Variants in PTPRM observed in about 807,000 individuals in gnomAD.
PTPRM encodes the protein protein tyrosine phosphatase receptor type M, also known as receptor-type tyrosine-protein phosphatase mu.
A neutral mutation model predicts 186.7 loss-of-function variants in PTPRM; 47 were observed. The observed-to-expected ratio is 0.25, with a 90% confidence interval of 0.20 to 0.32. The LOEUF (loss-of-function observed/expected upper bound fraction) is 0.32, where lower values mean the gene tolerates loss of function less well. Among genes scored for constraint, PTPRM ranks in the 10% least tolerant of loss-of-function variants. The pLI is 1.00. For synonymous variants in PTPRM, 668 were observed against 674.9 expected (o/e 0.99, Z 0.16); for missense variants, 1,494 against 1,865.0 (o/e 0.80, Z 3.66).
At chr18:7,894,223 A>C (rs2049227584) in intron 3 of PTPRM, among the ~76,000 whole-genome samples, 1 of 152,100 alleles carries the variant, frequency 6.6e-6, no homozygotes, top group African/African-American at 2.4e-5. Flanking sequence ...CTTTATAAGG[A>C]GTTCTGTACT....
intron 7 of PTPRM, among the ~76,000 whole-genome samples, chr18:8,013,843 A>G (rs952787124): frequency 6.6e-6 from 1 of 152,258 alleles, no homozygotes; most frequent in Admixed American, 6.5e-5. Flanking sequence ...TAGGAGTTAT[A>G]AAACTCCACT....
intron 1 of PTPRM, among the ~76,000 whole-genome samples, chr18:7,657,428 C>T (rs1337214725): frequency 2.6e-5 from 4 of 152,228 alleles, no homozygotes; most frequent in Non-Finnish European, 4.4e-5. Context: ...AGACACACAC[C>T]TTGCCCGAGC....
chr18:7,583,026 C>T (rs2036886270), intron 1 of PTPRM, among the ~76,000 whole-genome samples: 1 of 152,194 alleles, frequency 6.6e-6, no homozygotes, highest in Non-Finnish European at 1.5e-5. Flanking sequence ...GTGTAAAACA[C>T]AGTGCCCAGT....
At chr18:8,138,221 C>G (rs1600775352) in intron 13 of PTPRM, among the ~76,000 whole-genome samples, 2 of 137,778 alleles carry the variant, frequency 1.5e-5, no homozygotes. Context: ...TTTTTTCCCT[C>G]CTCTTCCCCT....
chr18:7,851,070 G>A (rs1032305364), intron 2 of PTPRM, among the ~76,000 whole-genome samples: 2 of 152,176 alleles, frequency 1.3e-5, no homozygotes, highest in South Asian at 2.1e-4. Context: ...GAAAATCTAT[G>A]TTAAAACCTA....
At chr18:7,757,370 G>C (rs1044681299) in intron 1 of PTPRM, among the ~76,000 whole-genome samples, 1 of 152,224 alleles carries the variant, frequency 6.6e-6, no homozygotes, top group African/African-American at 2.4e-5. Flanking sequence ...TGACTGGATT[G>C]CTTTTGATGA....
chr18:8,299,868 G>A (rs2095137523), intron 20 of PTPRM, among the ~76,000 whole-genome samples: 1 of 152,180 alleles, frequency 6.6e-6, no homozygotes, highest in Admixed American at 6.5e-5. Flanking sequence ...ACAAACAGTA[G>A]TTTTCTGACT....
At chr18:7,732,802 G>A (rs2040689486) in intron 1 of PTPRM, among the ~76,000 whole-genome samples, 1 of 152,108 alleles carries the variant, frequency 6.6e-6, no homozygotes, top group Non-Finnish European at 1.5e-5. Flanking sequence ...ACTGTGCCTG[G>A]CCTCACAATA....
rs145904334 is a variant in PTPRM at position 8,317,110 on chromosome 18, G to A, written c.2920-2068G>A. Among the ~76,000 whole-genome samples the A allele has an allele frequency of 3.6e-4, 55 of 152,252 alleles. 1 individual carries two copies. Among genetic ancestry groups the A allele is most frequent in the Admixed American group, 2.2e-3 (34 of 15,282 alleles). On this transcript the variant is annotated intron_variant, in intron 21 of 32. Transcript: ENST00000580170. ...TCGTTAGAGGTATCTGAGTAAAGCC[G>A]TGATCTGGCTGCTGGGAGGGAAGTG...
At chr18:8,066,140 G>GA (rs747339391) in intron 7 of PTPRM, among the ~76,000 whole-genome samples, 22 of 151,702 alleles carry the variant, frequency 1.5e-4, no homozygotes, top group African/African-American at 5.1e-4. Flanking sequence ...CAAAATGGCA[G>GA]AAAAAAAAGT....
intron 3 of PTPRM, among the ~76,000 whole-genome samples, chr18:7,897,927 G>T (rs1296545801): frequency 6.6e-6 from 1 of 152,188 alleles, no homozygotes; most frequent in Non-Finnish European, 1.5e-5. Context: ...GGAAAAACAG[G>T]TGAAGACATT....
intron 1 of PTPRM, among the ~76,000 whole-genome samples, chr18:7,600,988 A>G (rs926422238): frequency 4.6e-5 from 7 of 152,118 alleles, no homozygotes; most frequent in African/African-American, 1.2e-4. Context: ...GAAGACAACA[A>G]TTCTCCAAAG....
intron 29 of PTPRM, among the ~76,000 whole-genome samples, chr18:8,383,669 A>T (rs768998754): frequency 6.6e-6 from 1 of 152,252 alleles, no homozygotes; most frequent in Non-Finnish European, 1.5e-5. Flanking sequence ...CAGGCAGAAC[A>T]GCAAAGCATT....
chr18:7,829,162 A>G (rs1026637086), intron 2 of PTPRM, among the ~76,000 whole-genome samples: 12 of 152,208 alleles, frequency 7.9e-5, no homozygotes, highest in Admixed American at 2.0e-4. Context: ...TAACAGTGAT[A>G]TAATTGTGAC....
intron 14 of PTPRM, among the ~76,000 whole-genome samples, chr18:8,169,421 GAAAATA>G (rs1488160334): frequency 4.6e-5 from 7 of 151,934 alleles, no homozygotes; most frequent in African/African-American, 1.7e-4. Flanking sequence ...GGGGGTGAAG[GAAAATA>G]AAAATAATAA....
At chr18:7,849,575 A>G (rs1443612) in intron 2 of PTPRM, among the ~76,000 whole-genome samples, 107,879 of 152,166 alleles carry the variant, frequency 0.71, 39,211 homozygotes, top group East Asian at 0.96. Flanking sequence ...TTTTAAACAT[A>G]TGTCTTTCAG....
intron 14 of PTPRM, among the ~76,000 whole-genome samples, chr18:8,219,124 A>G (rs1345524554): frequency 1.3e-5 from 2 of 152,264 alleles, no homozygotes; most frequent in African/African-American, 2.4e-5. Context: ...GAGTACATTT[A>G]GGAACCAGTG....
At chr18:7,863,682 T>G (rs1247885380) in intron 2 of PTPRM, among the ~76,000 whole-genome samples, 1 of 152,174 alleles carries the variant, frequency 6.6e-6, no homozygotes, top group Non-Finnish European at 1.5e-5. Flanking sequence ...GTCTTTATAG[T>G]AGAATGATTT....
chr18:7,601,071 G>A (rs2037390103), intron 1 of PTPRM, among the ~76,000 whole-genome samples: 1 of 152,228 alleles, frequency 6.6e-6, no homozygotes, highest in African/African-American at 2.4e-5. Context: ...GGCTGCAGAA[G>A]CGGCTGGCCC....
Sources: gnomAD v4.1 joint callset for allele counts (sites outside exome capture counted in the v4.1 genomes callset) on GRCh38, gnomAD v4.1.1 for gene constraint, MANE v1.5 for transcripts, NCBI Gene and HGNC (gene_info 2026-07-23, HGNC 2026-07-21) for gene names.